NPFFR2: variants seen among roughly 807,000 people sequenced by gnomAD.
NPFFR2 encodes neuropeptide FF receptor 2, also known as G-protein coupled receptor 74.
In NPFFR2, 15 loss-of-function variants were observed where a neutral mutation model predicts 13.1. The ratio of observed to expected loss-of-function variants is 1.15; its 90% confidence interval spans 0.77 to 1.76. The LOEUF (loss-of-function observed/expected upper bound fraction) is 1.76. Ranked by LOEUF, NPFFR2 falls within the 40% of genes most tolerant of loss-of-function variation. The pLI is 0.00. For missense variants in NPFFR2, 572 were observed against 503.5 expected, an observed-to-expected ratio of 1.14 and a Z score of -1.30; for synonymous variants, 190 against 175.7, an observed-to-expected ratio of 1.08 and a Z score of -0.65.
At chr4:72,059,559 G>C (rs1422321533) in intron 1 of NPFFR2, among the ~76,000 whole-genome samples, 1 of 152,010 alleles carries the variant, frequency 6.6e-6, no homozygotes, top group Non-Finnish European at 1.5e-5. Flanking sequence ...TTTGATGATG[G>C]CACTAATCTC....
chr4:72,050,003 A>T (rs11722657), intron 1 of NPFFR2, among the ~76,000 whole-genome samples: 135,027 of 152,008 alleles, frequency 0.89, 61,153 homozygotes, highest in Non-Finnish European at 0.98. Context: ...CAACACCATG[A>T]TTAGAGGGTT....
intron 1 of NPFFR2, among the ~76,000 whole-genome samples, chr4:72,079,697 C>T (rs544227133): frequency 6.6e-5 from 10 of 152,188 alleles, no homozygotes; most frequent in African/African-American, 2.2e-4. Context: ...ACAGTATGTT[C>T]AAACTACACA....
intron 1 of NPFFR2, among the ~76,000 whole-genome samples, chr4:72,037,456 A>G (rs1719072407): frequency 1.3e-5 from 2 of 149,614 alleles, no homozygotes; most frequent in South Asian, 2.1e-4. Context: ...TTTCCTTCTC[A>G]TTTTACTTTC....
chr4:72,051,016 T>C (rs1327118103), intron 1 of NPFFR2, among the ~76,000 whole-genome samples: 3 of 152,072 alleles, frequency 2.0e-5, no homozygotes, highest in Non-Finnish European at 4.4e-5. Flanking sequence ...CTATCATTGT[T>C]GTACATTTGG....
intron 1 of NPFFR2, among the ~76,000 whole-genome samples, chr4:72,065,825 G>T (rs896386962): frequency 6.6e-6 from 1 of 152,126 alleles, no homozygotes; most frequent in Non-Finnish European, 1.5e-5. Context: ...TCCCTACCCA[G>T]ATCTTCAGAA....
intron 1 of NPFFR2, among the ~76,000 whole-genome samples, chr4:72,118,933 A>G (rs1406843150): frequency 6.6e-6 from 1 of 152,216 alleles, no homozygotes; most frequent in Non-Finnish European, 1.5e-5. Flanking sequence ...AGGATATAGC[A>G]TATAAGCATA....
intron 1 of NPFFR2, among the ~76,000 whole-genome samples, chr4:72,077,726 C>T (rs895798139): frequency 4.6e-5 from 7 of 152,068 alleles, no homozygotes; most frequent in African/African-American, 7.2e-5. Flanking sequence ...AGATTTGTCC[C>T]GATTTTTAAG....
chr4:72,116,098 A>T (rs1157707551), intron 1 of NPFFR2, among the ~76,000 whole-genome samples: 1 of 152,166 alleles, frequency 6.6e-6, no homozygotes, highest in Non-Finnish European at 1.5e-5. Context: ...TTTCCACTGC[A>T]TATGTTTATT....
chr4:72,070,959 T>C (rs1720235703), intron 1 of NPFFR2, among the ~76,000 whole-genome samples: 1 of 152,184 alleles, frequency 6.6e-6, no homozygotes, highest in Non-Finnish European at 1.5e-5. Flanking sequence ...CAATAGTTCA[T>C]GTTCTTTGAG....
In NPFFR2 at chr4:72,147,446, C is replaced by G. The variant is rs538543232; in HGVS notation, c.897C>G (p.Tyr299Ter). The change falls in exon 4 of 4, where the codon TAC becomes TAG. Residue 299 changes from tyrosine (Y) to a stop codon, truncating the protein, a stop_gained. Transcript: ENST00000308744. LOFTEE classifies it low-confidence loss of function (END_TRUNC). ...PLWTLMMLSD[Y>*]ADLSPNELQI... ...GGACTCTAATGATGCTCTCAGACTA[C>G]GCTGACCTTTCTCCAAATGAACTGC... 30 of 1,614,024 alleles carry G rather than the reference C, an allele frequency of 1.9e-5. No homozygotes were observed. The highest frequency in any genetic ancestry group is 2.5e-5 in the Non-Finnish European group (29 of 1,180,026).
chr4:72,033,647 C>G (rs191354800), intron 1 of NPFFR2, among the ~76,000 whole-genome samples: 10 of 152,234 alleles, frequency 6.6e-5, no homozygotes, highest in Admixed American at 5.9e-4. Flanking sequence ...ATCTGTTTGT[C>G]TGTTTCATCT....
chr4:72,088,945 T>C (rs545359657), intron 1 of NPFFR2, among the ~76,000 whole-genome samples: 1 of 152,134 alleles, frequency 6.6e-6, no homozygotes, highest in African/African-American at 2.4e-5. Flanking sequence ...GCAGCCTACA[T>C]TGTACCCAGC....
chr4:72,121,501 G>C (rs184486096), intron 1 of NPFFR2, among the ~76,000 whole-genome samples: 1 of 152,286 alleles, frequency 6.6e-6, no homozygotes, highest in East Asian at 1.9e-4. Flanking sequence ...CAACCAGAGA[G>C]AAAGGTTGCA....
At chr4:72,073,405 C>G (rs1720324289) in intron 1 of NPFFR2, among the ~76,000 whole-genome samples, 1 of 151,948 alleles carries the variant, frequency 6.6e-6, no homozygotes, top group South Asian at 2.1e-4. Flanking sequence ...TAGAACTGCC[C>G]TGCAAGAAAT....
At chr4:72,045,978 T>C (rs1036826705) in intron 1 of NPFFR2, among the ~76,000 whole-genome samples, 1 of 152,096 alleles carries the variant, frequency 6.6e-6, no homozygotes. Context: ...CATAAGGAGA[T>C]ATATATAAAG....
At chr4:72,079,822 C>G (rs1720553773) in intron 1 of NPFFR2, among the ~76,000 whole-genome samples, 2 of 152,182 alleles carry the variant, frequency 1.3e-5, no homozygotes, top group African/African-American at 4.8e-5. Context: ...CCCCTGGGCC[C>G]TGCAACCCTG....
chr4:72,104,102 T>G (rs987666571), intron 1 of NPFFR2, among the ~76,000 whole-genome samples: 1 of 152,086 alleles, frequency 6.6e-6, no homozygotes, highest in African/African-American at 2.4e-5. Context: ...ATGGCAAGGT[T>G]CACCATCCCC....
chr4:72,138,333 A>G (rs1315227055), intron 3 of NPFFR2, among the ~76,000 whole-genome samples, 194 bp downstream of exon 3: 1 of 152,150 alleles, frequency 6.6e-6, no homozygotes, highest in Non-Finnish European at 1.5e-5. Flanking sequence ...CCATATGTAT[A>G]CATGTGCCAT....
At chr4:72,079,568 GA>G (rs1310425849) in intron 1 of NPFFR2, among the ~76,000 whole-genome samples, 1 of 152,140 alleles carries the variant, frequency 6.6e-6, no homozygotes, top group Non-Finnish European at 1.5e-5. Flanking sequence ...AATAAAATAG[GA>G]GGAAATCTTT....
Sources: gnomAD v4.1 joint callset for allele counts (sites outside exome capture counted in the v4.1 genomes callset) on GRCh38, gnomAD v4.1.1 for gene constraint, MANE v1.5 for transcripts, NCBI Gene and HGNC (gene_info 2026-07-23, HGNC 2026-07-21) for gene names.